CABIN1: variants seen among roughly 807,000 people sequenced by gnomAD.
The protein encoded by CABIN1 is calcineurin binding protein 1, also known as calcineurin-binding protein cabin-1.
Under a neutral mutation model 227.7 loss-of-function variants are expected in CABIN1, and 133 were observed. The ratio of observed to expected loss-of-function variants is 0.58; its 90% CI spans 0.51 to 0.67. The LOEUF is 0.67. CABIN1 is among the 30% of genes least tolerant of loss of function. The probability of loss-of-function intolerance (pLI) is 0.00; values close to 1 mark genes in which losing one functional copy is unlikely to be tolerated. For synonymous variants in CABIN1, 1,086 were observed against 1,155.1 expected (o/e 0.94, Z 1.21); for missense variants, 2,408 against 2,852.5 (o/e 0.84, Z 3.55).
intron 10 of CABIN1, 110 bp downstream of exon 10, chr22:24,056,470 GT>G: frequency 2.7e-6 from 3 of 1,106,604 alleles, no homozygotes; most frequent in Non-Finnish European, 4.1e-6. Flanking sequence ...CTCCTCCTCT[GT>G]GTTCCCATAA....
intron 1 of CABIN1, among the ~76,000 whole-genome samples, chr22:24,019,357 C>T (rs2035541218): frequency 6.6e-6 from 1 of 150,918 alleles, no homozygotes; most frequent in Admixed American, 6.6e-5. Context: ...GCCTCGAACT[C>T]CTGACTTCTT....
At chr22:24,091,131 A>G (rs897562493) in intron 23 of CABIN1, among the ~76,000 whole-genome samples, 2 of 152,202 alleles carry the variant, frequency 1.3e-5, no homozygotes, top group African/African-American at 4.8e-5. Flanking sequence ...TAAAGAGCAC[A>G]GAGGAGATGG....
intron 19 of CABIN1, among the ~76,000 whole-genome samples, chr22:24,077,559 C>T (rs976668828): frequency 1.4e-4 from 21 of 152,308 alleles, no homozygotes; most frequent in African/African-American, 3.6e-4. Flanking sequence ...TCCCCTACCC[C>T]GTGAGCTCTG....
chr22:24,123,942 T>G (rs1313885558), intron 28 of CABIN1, among the ~76,000 whole-genome samples: 1 of 152,186 alleles, frequency 6.6e-6, no homozygotes. Context: ...TGGAGCTGTG[T>G]GGTTGACTCC....
intron 1 of CABIN1, among the ~76,000 whole-genome samples, chr22:24,023,115 AGTCTCT>A (rs2035840267): frequency 6.6e-6 from 1 of 152,190 alleles, no homozygotes; most frequent in African/African-American, 2.4e-5. Context: ...TGGTACTTTC[AGTCTCT>A]AGGTACCTTG....
chr22:24,024,543 A>G (rs537523727), intron 1 of CABIN1, among the ~76,000 whole-genome samples: 1 of 152,228 alleles, frequency 6.6e-6, no homozygotes, highest in Non-Finnish European at 1.5e-5. Context: ...CTTCTTGGAT[A>G]TGTATGTTAA....
chr22:24,141,035 T>G (rs1399901239), intron 29 of CABIN1, among the ~76,000 whole-genome samples: 1 of 152,202 alleles, frequency 6.6e-6, no homozygotes, highest in Non-Finnish European at 1.5e-5. Context: ...CATCACACAC[T>G]TGGCATGCCA....
chr22:24,157,987 A>G (rs1309945145), intron 29 of CABIN1, among the ~76,000 whole-genome samples: 2 of 152,066 alleles, frequency 1.3e-5, no homozygotes, highest in Non-Finnish European at 2.9e-5. Context: ...CCCTGTGCCC[A>G]CTGCTCTTGG....
At chr22:24,095,646 A>C (rs1328758881) in intron 24 of CABIN1, among the ~76,000 whole-genome samples, 1 of 152,220 alleles carries the variant, frequency 6.6e-6, no homozygotes, top group Non-Finnish European at 1.5e-5. Flanking sequence ...CAGTGAACGG[A>C]GCTGAAGGGT....
chr22:24,083,415 A>G (rs2147049486), intron 20 of CABIN1, 26 bp downstream of exon 20: 1 of 1,613,304 alleles, frequency 6.2e-7, no homozygotes, highest in Non-Finnish European at 8.5e-7. Context: ...TAGGCCCAAC[A>G]AAGAGGGAAG....
At chr22:24,131,024 G>A (rs927620954) in intron 28 of CABIN1, among the ~76,000 whole-genome samples, 4 of 152,206 alleles carry the variant, frequency 2.6e-5, no homozygotes, top group Non-Finnish European at 5.9e-5. Flanking sequence ...AAACCAGAGA[G>A]GAATGTCCAT....
At chr22:24,104,255 C>T (rs530533838) in intron 26 of CABIN1, among the ~76,000 whole-genome samples, 8 of 152,284 alleles carry the variant, frequency 5.3e-5, no homozygotes, top group Non-Finnish European at 8.8e-5. Flanking sequence ...GGGATGCCAG[C>T]CTCACACCTT....
At chr22:24,085,248 G>C in intron 22 of CABIN1, 97 bp downstream of exon 22, 1 of 1,324,948 alleles carries the variant, frequency 7.5e-7, no homozygotes, top group Non-Finnish European at 1.1e-6. Flanking sequence ...GGGTTTCCCT[G>C]TCCATTGCAA....
chr22:24,081,058 A>C (rs1228740279), intron 19 of CABIN1, among the ~76,000 whole-genome samples: 1 of 152,242 alleles, frequency 6.6e-6, no homozygotes, highest in Non-Finnish European at 1.5e-5. Context: ...TCAGAAAAGC[A>C]GTCGTAGATA....
intron 26 of CABIN1, among the ~76,000 whole-genome samples, chr22:24,108,284 G>A (rs548889443): frequency 6.6e-6 from 1 of 152,324 alleles, no homozygotes; most frequent in Non-Finnish European, 1.5e-5. Context: ...ATGACCCTGC[G>A]TGGCCTCTAG....
chr22:24,098,496 A>G (rs2042027008), intron 26 of CABIN1, among the ~76,000 whole-genome samples: 1 of 152,154 alleles, frequency 6.6e-6, no homozygotes, highest in South Asian at 2.1e-4. Flanking sequence ...GGGACATGAC[A>G]TCTACTTTGA....
chr22:24,171,916 C>A lies in CABIN1; in HGVS notation c.5961C>A (p.Thr1987=). ...ITCPPSASAS[T]LDQSKDPGPP... ...GCCCTCCGTCAGCATCAGCTTCCAC[C>A]CTGGACCAGTCCAAGGACCCTGGGC... is the stretch of plus-strand genomic sequence containing the variant. Residue 1987 remains threonine, a synonymous_variant, in exon 34 of 37, where the codon ACC becomes ACA. Transcript: ENST00000263119. 6.2e-7 allele frequency: 1 copy of A among 1,614,042 alleles called. No homozygotes were observed.
intron 27 of CABIN1, among the ~76,000 whole-genome samples, chr22:24,118,137 C>T (rs902137002): frequency 3.9e-5 from 6 of 151,978 alleles, no homozygotes; most frequent in African/African-American, 1.5e-4. Context: ...TTTTCTTTGC[C>T]AACACCACTG....
At chr22:24,079,248 A>G (rs900611683) in intron 19 of CABIN1, among the ~76,000 whole-genome samples, 2 of 152,184 alleles carry the variant, frequency 1.3e-5, no homozygotes, top group African/African-American at 4.8e-5. Context: ...AATCCTAGAC[A>G]TTTATATCAA....
Sources: gnomAD v4.1 joint callset for allele counts (sites outside exome capture counted in the v4.1 genomes callset) on GRCh38, gnomAD v4.1.1 for gene constraint, MANE v1.5 for transcripts, NCBI Gene and HGNC (gene_info 2026-07-23, HGNC 2026-07-21) for gene names.